NSRP1: variants seen among roughly 807,000 people sequenced by gnomAD.
NSRP1 encodes coiled-coil domain containing 55.
NSRP1 carries 24 observed loss-of-function variants against 54.7 expected under a neutral mutation model. The observed-to-expected ratio is 0.44, with a 90% CI of 0.32 to 0.62. NSRP1 has a LOEUF of 0.62. NSRP1 is among the 20% of genes least tolerant of loss of function. The probability of loss-of-function intolerance (pLI) is 0.06; values close to 1 mark genes in which losing one functional copy is unlikely to be tolerated. For missense variants in NSRP1, 596 were observed against 651.2 expected (o/e 0.92, Z 0.92); for synonymous variants, 210 against 213.8 (o/e 0.98, Z 0.15).
chr17:30,117,023 C>T, intron 1 of NSRP1, 160 bp downstream of exon 1: 4 of 948,982 alleles, frequency 4.2e-6, no homozygotes, highest in Admixed American at 2.0e-5. Context: ...GATTCCCCTC[C>T]CCCGTACATT....
chr17:30,152,334 G>A (rs994577090), intron 2 of NSRP1, among the ~76,000 whole-genome samples: 3 of 151,222 alleles, frequency 2.0e-5, no homozygotes, highest in Admixed American at 6.6e-5. Context: ...TCGCCAGGCT[G>A]GTCTTGAACT....
intron 2 of NSRP1, among the ~76,000 whole-genome samples, chr17:30,158,233 T>C (rs1904381729): frequency 6.6e-6 from 1 of 152,118 alleles, no homozygotes. Context: ...TTAGCATTTT[T>C]TCATATACCT....
chr17:30,177,991 A>G (rs754901377), intron 3 of NSRP1, 80 bp from the exon 4 acceptor site: 1 of 1,417,290 alleles, frequency 7.1e-7, no homozygotes, highest in African/African-American at 1.4e-5. Context: ...TCAATTTATG[A>G]ACCATTCTCA....
intron 3 of NSRP1, 152 bp downstream of exon 3, chr17:30,172,750 T>G: frequency 1.9e-6 from 1 of 523,914 alleles, no homozygotes. Flanking sequence ...TGCTATAGAT[T>G]AAACCAGTTC....
rs541605715 is a variant in NSRP1, at chr17:30,180,906, A to T, written c.509-2A>T. 3.1e-6 allele frequency: 5 copies of T among 1,599,856 alleles called. No individual in the cohort carries two copies. The highest frequency in any genetic ancestry group is 4.3e-6 in the Non-Finnish European group (5 of 1,167,898). On this transcript the variant is annotated splice_acceptor_variant, in intron 5 of 6. Coordinates refer to ENST00000247026, the MANE Select transcript of NSRP1 (RefSeq NM_032141.4). LOFTEE classifies it high-confidence loss of function. ...TTCTAATTTTTGCTTTCCCTCTGTT[A>T]GCATGTTTGGATGTAACCAAGCAGA...
intron 1 of NSRP1, 137 bp downstream of exon 1, chr17:30,117,000 C>T: frequency 1.8e-6 from 2 of 1,128,446 alleles, no homozygotes; most frequent in Non-Finnish European, 2.6e-6. Context: ...AACGAGAAGT[C>T]CTGAGGAACA....
chr17:30,172,608 A>G lies in NSRP1; in HGVS notation c.171+10A>G. ...GCAGGCCATGAAACAGGTAAGGTAG[A>G]AGACTGGGATAAGTGCATTCAGTGA... On this transcript the variant is annotated intron_variant, in intron 3 of 6. Transcript: ENST00000247026. 6.2e-7 allele frequency: 1 copy of G among 1,607,870 alleles called. No individual in the cohort carries two copies. Among genetic ancestry groups the G allele is most frequent in the Non-Finnish European group, 8.5e-7 (1 of 1,176,210 alleles).
chr17:30,134,028 G>A (rs1311902295), intron 2 of NSRP1, among the ~76,000 whole-genome samples: 1 of 152,182 alleles, frequency 6.6e-6, no homozygotes, highest in Admixed American at 6.5e-5. Flanking sequence ...TTTAAAGTAA[G>A]AAACCTGCTA....
In NSRP1 at chr17:30,177,520, C is replaced by T. The variant is rs1255395677; in HGVS notation, c.172-551C>T. ...CTGAAACACTGGGTAAGATTTTGAT[C>T]GCTTGAAAGAGGAGAAAAAAACATC... is the stretch of plus-strand genomic sequence containing the variant. On this transcript the variant is annotated intron_variant, in intron 3 of 6. Transcript: ENST00000247026. Among the ~76,000 whole-genome samples the T allele has an allele frequency of 2.0e-5, 3 of 151,862 alleles. No homozygotes were observed. The East Asian group carries it at 5.8e-4, about 29-fold the overall frequency.
intron 2 of NSRP1, among the ~76,000 whole-genome samples, chr17:30,171,077 T>C (rs1904914455): frequency 6.6e-6 from 1 of 152,140 alleles, no homozygotes; most frequent in South Asian, 2.1e-4. Context: ...TTTTTTTTCT[T>C]AGCTGTATGT....
intron 2 of NSRP1, among the ~76,000 whole-genome samples, chr17:30,132,164 C>T (rs1232007814): frequency 6.7e-6 from 1 of 149,592 alleles, no homozygotes; most frequent in Non-Finnish European, 1.5e-5. Flanking sequence ...AGGAGAATGG[C>T]ATGAACCAGG....
chr17:30,138,205 A>G (rs987100017), intron 2 of NSRP1, among the ~76,000 whole-genome samples: 18 of 152,200 alleles, frequency 1.2e-4, no homozygotes, highest in African/African-American at 3.9e-4. Flanking sequence ...TCTCCATTGT[A>G]TATGTGTATC....
At chr17:30,160,026 T>C (rs547404437) in intron 2 of NSRP1, among the ~76,000 whole-genome samples, 79 of 152,334 alleles carry the variant, frequency 5.2e-4, no homozygotes, top group Admixed American at 2.0e-4. Context: ...TTGAGTTTTA[T>C]TGAATGCTTT....
At chr17:30,118,510 AT>A (rs2071564881) in intron 2 of NSRP1, among the ~76,000 whole-genome samples, 1 of 152,210 alleles carries the variant, frequency 6.6e-6, no homozygotes, top group African/African-American at 2.4e-5. Flanking sequence ...GCAGTTTTTA[AT>A]TTGTTAACCA....
chr17:30,137,956 A>T (rs1334400867), intron 2 of NSRP1, among the ~76,000 whole-genome samples: 1 of 152,180 alleles, frequency 6.6e-6, no homozygotes, highest in East Asian at 1.9e-4. Context: ...GTCTATTTTG[A>T]GAACTTTTTT....
chr17:30,172,635 G>T, intron 3 of NSRP1, 37 bp downstream of exon 3: 1 of 1,534,550 alleles, frequency 6.5e-7, no homozygotes. Flanking sequence ...ATTCAGTGAA[G>T]CATTCCGGCT....
At chr17:30,154,947 G>C (rs909355401) in intron 2 of NSRP1, among the ~76,000 whole-genome samples, 10 of 152,042 alleles carry the variant, frequency 6.6e-5, no homozygotes, top group Non-Finnish European at 1.3e-4. Flanking sequence ...TTTCAAAGAG[G>C]GCTTTTATGA....
At chr17:30,132,165 A>G (rs537564604) in intron 2 of NSRP1, among the ~76,000 whole-genome samples, 77 of 151,594 alleles carry the variant, frequency 5.1e-4, no homozygotes, top group African/African-American at 1.6e-3. Flanking sequence ...GGAGAATGGC[A>G]TGAACCAGGG....
At chr17:30,127,923 C>G (rs2071665149) in intron 2 of NSRP1, 2 of 398,028 alleles carry the variant, frequency 5.0e-6, no homozygotes, top group Non-Finnish European at 8.9e-6. Context: ...CAGCCTCAAC[C>G]TCCCAGGCCG....
Sources: gnomAD v4.1 joint callset for allele counts (sites outside exome capture counted in the v4.1 genomes callset) on GRCh38, gnomAD v4.1.1 for gene constraint, MANE v1.5 for transcripts, NCBI Gene and HGNC (gene_info 2026-07-23, HGNC 2026-07-21) for gene names.